The following CTIF variants were observed in gnomAD, a reference collection of about 807,000 sequenced individuals.
CTIF encodes cap binding complex dependent translation initiation factor.
In CTIF, 21 loss-of-function variants were observed where a neutral mutation model predicts 66.0. The ratio of observed to expected loss-of-function variants is 0.32; its 90% CI spans 0.23 to 0.46. The LOEUF (loss-of-function observed/expected upper bound fraction) is 0.46, where lower values mean the gene tolerates loss of function less well. Ranked by LOEUF, CTIF falls within the 20% of genes least tolerant of loss-of-function variation. The probability of loss-of-function intolerance (pLI) is 1.00; values close to 1 mark genes in which losing one functional copy is unlikely to be tolerated. For missense variants in CTIF, 739 were observed against 812.7 expected (o/e 0.91, Z 1.10); for synonymous variants, 345 against 326.4 (o/e 1.06, Z -0.62).
chr18:48,584,390 G>C (rs1479443176), intron 1 of CTIF, among the ~76,000 whole-genome samples: 1 of 152,148 alleles, frequency 6.6e-6, no homozygotes, highest in African/African-American at 2.4e-5. Context: ...CTGGAGGTCA[G>C]GACCTTTATA....
At chr18:48,624,792 T>G (rs1160877692) in intron 2 of CTIF, among the ~76,000 whole-genome samples, 1 of 152,178 alleles carries the variant, frequency 6.6e-6, no homozygotes, top group African/African-American at 2.4e-5. Context: ...CGATCCAGTC[T>G]CTTGGAAAGA....
intron 7 of CTIF, among the ~76,000 whole-genome samples, chr18:48,741,280 GC>G (rs993748870): frequency 5.6e-5 from 3 of 53,956 alleles, no homozygotes; most frequent in East Asian, 3.9e-3. Flanking sequence ...CTCTGCCCCC[GC>G]CCCCCCTCCT....
intron 1 of CTIF, among the ~76,000 whole-genome samples, chr18:48,603,574 G>A: frequency 6.7e-6 from 1 of 148,430 alleles, no homozygotes; most frequent in Non-Finnish European, 1.5e-5. Context: ...TGGGGGGGTG[G>A]ATGGCTGGCT....
intron 1 of CTIF, among the ~76,000 whole-genome samples, chr18:48,541,039 G>C (rs933578050): frequency 1.3e-5 from 2 of 152,194 alleles, no homozygotes; most frequent in Admixed American, 1.3e-4. Context: ...CGGCGCGGGG[G>C]GTTGGTTTGG....
intron 7 of CTIF, among the ~76,000 whole-genome samples, chr18:48,730,570 C>T (rs1423344083): frequency 3.2e-5 from 1 of 30,992 alleles, no homozygotes; most frequent in Non-Finnish European, 7.0e-5. Context: ...GGGGCTTCTG[C>T]GGTGTGAGGG....
chr18:48,753,564 A>G (rs1908042982), intron 7 of CTIF, among the ~76,000 whole-genome samples: 1 of 152,106 alleles, frequency 6.6e-6, no homozygotes, highest in Non-Finnish European at 1.5e-5. Context: ...AACTAAATGA[A>G]CGATGGAAAA....
At chr18:48,820,506 C>A (rs775508648) in intron 10 of CTIF, among the ~76,000 whole-genome samples, 1 of 152,114 alleles carries the variant, frequency 6.6e-6, no homozygotes, top group Non-Finnish European at 1.5e-5. Context: ...CAGAACCACC[C>A]GCAGGCCCAC....
At chr18:48,559,459 T>A (rs1028010) in intron 1 of CTIF, among the ~76,000 whole-genome samples, 110,510 of 152,120 alleles carry the variant, frequency 0.73, 41,157 homozygotes, top group East Asian at 0.96. Flanking sequence ...GAGCCTAGTT[T>A]TAGGTATTCT....
chr18:48,653,911 C>T (rs1271118932), intron 3 of CTIF, among the ~76,000 whole-genome samples: 3 of 152,200 alleles, frequency 2.0e-5, no homozygotes, highest in Non-Finnish European at 4.4e-5. Flanking sequence ...GCTGGGAAAA[C>T]TGGCTAGCCA....
At chr18:48,582,589 G>A (rs1446565589) in intron 1 of CTIF, among the ~76,000 whole-genome samples, 1 of 152,130 alleles carries the variant, frequency 6.6e-6, no homozygotes, top group Non-Finnish European at 1.5e-5. Flanking sequence ...TATGTGCTGT[G>A]GTGCCTGGGC....
intron 6 of CTIF, among the ~76,000 whole-genome samples, chr18:48,677,203 G>A (rs2091645375): frequency 1.3e-5 from 2 of 152,176 alleles, no homozygotes; most frequent in Admixed American, 1.3e-4. Context: ...CAGGAGCAGA[G>A]TCCTGAAAAC....
chr18:48,636,372 T>TG (rs1391968773), intron 2 of CTIF, among the ~76,000 whole-genome samples: 1 of 152,236 alleles, frequency 6.6e-6, no homozygotes, highest in East Asian at 1.9e-4. Flanking sequence ...GTCACTGTGC[T>TG]GGGCTCAGGT....
At chr18:48,784,305 C>T (rs187560996) in intron 9 of CTIF, among the ~76,000 whole-genome samples, 21 of 152,290 alleles carry the variant, frequency 1.4e-4, no homozygotes, top group African/African-American at 4.1e-4. Context: ...AACAAAGAAA[C>T]GTGCAGAAGG....
intron 10 of CTIF, chr18:48,826,105 G>T (rs1046655956): frequency 6.6e-6 from 1 of 152,164 alleles, no homozygotes; most frequent in African/African-American, 2.4e-5. Context: ...TTGAAACCTC[G>T]ATTTTCTTAT....
At chr18:48,683,514 C>G (rs1439137288) in intron 6 of CTIF, among the ~76,000 whole-genome samples, 1 of 151,546 alleles carries the variant, frequency 6.6e-6, no homozygotes, top group African/African-American at 2.4e-5. Context: ...CAAGCCTTCA[C>G]CCCCCTTGCC....
intron 6 of CTIF, among the ~76,000 whole-genome samples, chr18:48,674,077 A>G (rs2091584114): frequency 6.6e-6 from 1 of 152,302 alleles, no homozygotes; most frequent in East Asian, 1.9e-4. Context: ...GCCTCTGCCA[A>G]ATCTTCCTCT....
At chr18:48,772,001 C>T (rs1599015610) in intron 9 of CTIF, among the ~76,000 whole-genome samples, 1 of 152,242 alleles carries the variant, frequency 6.6e-6, no homozygotes, top group South Asian at 2.1e-4. Context: ...CCGCCCTGTC[C>T]CTGGCTCCCC....
At chr18:48,757,626 A>AT (rs1908517114) in intron 7 of CTIF, among the ~76,000 whole-genome samples, 1 of 152,148 alleles carries the variant, frequency 6.6e-6, no homozygotes, top group South Asian at 2.1e-4. Context: ...GATCTTTTTA[A>AT]TTTTGTTCCA....
At chr18:48,640,544 G>T (rs558757018) in intron 3 of CTIF, among the ~76,000 whole-genome samples, 1 of 152,208 alleles carries the variant, frequency 6.6e-6, no homozygotes, top group African/African-American at 2.4e-5. Context: ...ATTTTCACCC[G>T]TGGGGACAAT....
Sources: allele counts gnomAD v4.1 joint callset (sites outside exome capture counted in the v4.1 genomes callset), GRCh38; gene constraint gnomAD v4.1.1; transcripts MANE v1.5; gene names NCBI Gene and HGNC (gene_info 2026-07-23, HGNC 2026-07-21).